The following CFAP92 variants were observed in gnomAD, a reference collection of about 807,000 sequenced individuals.
CFAP92 encodes cilia and flagella associated protein 92 (putative), also known as uncharacterized protein CFAP92.
In CFAP92, 86 loss-of-function variants were observed where a neutral mutation model predicts 106.3. The observed-to-expected ratio is 0.81, with a 90% CI of 0.68 to 0.97. The LOEUF is 0.97. Ranked by LOEUF, CFAP92 falls within the 50% of genes least tolerant of loss-of-function variation. The pLI is 0.00. For synonymous variants in CFAP92, 477 were observed against 506.4 expected, an observed-to-expected ratio of 0.94 and a Z score of 0.78; for missense variants, 1,204 against 1,283.8, an observed-to-expected ratio of 0.94 and a Z score of 0.95.
At chr3:129,025,769 C>G in the CFAP92 span, among the ~76,000 whole-genome samples, 1 of 152,258 alleles carries the variant, frequency 6.6e-6, no homozygotes, top group Non-Finnish European at 1.5e-5. Context: ...CCTGAGGAAG[C>G]ACTTGTTCCA....
At chr3:128,963,902 C>A (rs921442695) in intron 9 of CFAP92, among the ~76,000 whole-genome samples, 9 of 151,860 alleles carry the variant, frequency 5.9e-5, no homozygotes, top group South Asian at 4.2e-4. Flanking sequence ...CCACCCAGGA[C>A]TGGCAAATTA....
chr3:128,963,225 T>G (rs1942086175), intron 9 of CFAP92, among the ~76,000 whole-genome samples: 1 of 152,136 alleles, frequency 6.6e-6, no homozygotes, highest in Non-Finnish European at 1.5e-5. Context: ...AACAACTCCT[T>G]TCCTTCCTAG....
chr3:128,996,049 A>G (rs907924700), upstream of CFAP92, among the ~76,000 whole-genome samples: 7 of 152,202 alleles, frequency 4.6e-5, no homozygotes, highest in African/African-American at 1.7e-4. Context: ...TATAAATTCC[A>G]TCTACCTCTG....
At chr3:129,026,709 A>G in the CFAP92 span, among the ~76,000 whole-genome samples, 8 of 152,240 alleles carry the variant, frequency 5.3e-5, no homozygotes, top group Non-Finnish European at 8.8e-5. Flanking sequence ...TTTCTTCTCC[A>G]GGCTGTAGTC....
At chr3:128,997,894 A>T (rs1238053477), upstream of CFAP92, among the ~76,000 whole-genome samples, 1 of 152,226 alleles carries the variant, frequency 6.6e-6, no homozygotes, top group African/African-American at 2.4e-5. Flanking sequence ...TATCTTCCAC[A>T]GGGGCTGCAT....
intron 8 of CFAP92, 91 bp downstream of exon 8, chr3:128,971,196 G>A (rs572054989): frequency 1.1e-5 from 18 of 1,589,584 alleles, no homozygotes; most frequent in South Asian, 6.8e-5. Context: ...GAGGTGGCAC[G>A]CAGCAGGGTT....
chr3:128,913,174 A>G, intron 15 of CFAP92: 2 of 402,234 alleles, frequency 5.0e-6, no homozygotes, highest in Non-Finnish European at 1.0e-5. Flanking sequence ...TGACAGCAGG[A>G]CCCTGAGAAC....
intron 12 of CFAP92, among the ~76,000 whole-genome samples, chr3:128,924,670 C>T (rs1937539930): frequency 6.6e-6 from 1 of 151,942 alleles, no homozygotes; most frequent in Non-Finnish European, 1.5e-5. Context: ...TAGTCCCGAA[C>T]TCCCAACCTC....
intron 12 of CFAP92, among the ~76,000 whole-genome samples, chr3:128,926,081 A>G (rs1276599568): frequency 2.0e-5 from 3 of 152,286 alleles, no homozygotes; most frequent in Non-Finnish European, 4.4e-5. Flanking sequence ...AACACTGTCA[A>G]TTAGAAAAAT....
chr3:129,012,937 T>C, the CFAP92 span, among the ~76,000 whole-genome samples: 1 of 152,130 alleles, frequency 6.6e-6, no homozygotes, highest in African/African-American at 2.4e-5. Context: ...GGCGCATGGA[T>C]GGTTTTCTTT....
Position 128,993,190 on chromosome 3 carries a change from C to T in CFAP92, c.115G>A (p.Ala39Thr), listed in dbSNP as rs911280650. Residue 39 changes from alanine (A) to threonine (T), a missense_variant, in exon 2 of 16, where the codon GCC becomes ACC. By Grantham distance (58) the Ala-to-Thr change is moderately conservative. Coordinates refer to ENST00000645291, the MANE Select transcript of CFAP92 (RefSeq NM_001394090.1). ...SECDVEEHLKAKARAQESDSD... is the reference protein window; with the variant it reads ...SECDVEEHLKTKARAQESDSD... ...TCAGACTCCTGGGCCCTGGCCTTGG[C>T]CTTCAGGTGTTCCTCCACGTCACAC... The T allele has an allele frequency of 6.2e-6, 10 of 1,614,066 alleles. No homozygotes were observed. The highest frequency in any genetic ancestry group is 8.5e-6 in the Non-Finnish European group (10 of 1,179,898).
the CFAP92 span, among the ~76,000 whole-genome samples, chr3:129,009,408 A>G: frequency 6.6e-6 from 1 of 152,178 alleles, no homozygotes; most frequent in Admixed American, 6.5e-5. Flanking sequence ...TTGGGGTGCC[A>G]GGCTAATATC....
intron 3 of CFAP92, 147 bp downstream of exon 3, chr3:128,988,581 T>C (rs753023690): frequency 2.6e-5 from 19 of 729,488 alleles, no homozygotes; most frequent in Non-Finnish European, 4.2e-5. Context: ...ATCAGGCCAG[T>C]GCAGATTCCC....
In CFAP92 at chr3:128,987,873, G is replaced by A. The variant is rs76732520; in HGVS notation, c.454-44C>T. 1,302 of 1,524,148 alleles carry A rather than the reference G, an allele frequency of 8.5e-4. 11 individuals are homozygous for A. The African/African-American group carries it at 0.015, about 18-fold the overall frequency. 94.4% of individuals were successfully genotyped at this position (1,524,148 alleles called of 1,614,324 possible). On this transcript the variant is annotated intron_variant, in intron 3 of 15. Transcript: ENST00000645291. ...AGAGATGTCAACTGGGGAAAGATGT[G>A]CAAAGGCCGTGGCGAACAGAGCAAG...
At chr3:128,983,246 C>T (rs189153910) in intron 4 of CFAP92, among the ~76,000 whole-genome samples, 1 of 152,332 alleles carries the variant, frequency 6.6e-6, no homozygotes, top group Non-Finnish European at 1.5e-5. Context: ...AATAAGCACA[C>T]ATGTCTGGGA....
intron 6 of CFAP92, 66 bp from the exon 7 acceptor site, chr3:128,975,969 T>G (rs546101206): frequency 6.7e-7 from 1 of 1,498,732 alleles, no homozygotes; most frequent in African/African-American, 1.4e-5. Context: ...TCTGAGAATC[T>G]ATTTACTGAT....
rs777074633 is a variant in CFAP92 at position 128,978,140 on chromosome 3, C to T, written c.713G>A (p.Gly238Asp). ...TCTGACAATGTTGGTATTCTCAATG[C>T]CCTGTTCAGATAATTTTCTCTGATT... The part of the protein sequence containing the change: ...VLNQRKLSEQ[G>D]IENTNIVREE... Residue 238 changes from glycine (G) to aspartate (D), a missense_variant, in exon 5 of 16, where the codon GGC becomes GAC. Gly to Asp is a moderately conservative substitution (Grantham distance 94). Coordinates refer to ENST00000645291, the MANE Select transcript of CFAP92 (RefSeq NM_001394090.1). The T allele has an allele frequency of 6.2e-7, 1 of 1,613,878 alleles. No homozygotes were observed. The highest frequency in any genetic ancestry group is 8.5e-7 in the Non-Finnish European group (1 of 1,179,832).
At chr3:128,991,035 T>C (rs1944179874) in intron 2 of CFAP92, among the ~76,000 whole-genome samples, 1 of 152,196 alleles carries the variant, frequency 6.6e-6, no homozygotes, top group Non-Finnish European at 1.5e-5. Flanking sequence ...ATTGGCATGA[T>C]AAAAAAATAC....
upstream of CFAP92, among the ~76,000 whole-genome samples, chr3:128,995,578 C>T (rs1484201222): frequency 2.6e-5 from 4 of 152,206 alleles, no homozygotes; most frequent in Non-Finnish European, 4.4e-5. Context: ...CTTGGACAGA[C>T]ATCAGGCCTC....
Sources: allele counts gnomAD v4.1 joint callset (sites outside exome capture counted in the v4.1 genomes callset), GRCh38; gene constraint gnomAD v4.1.1; transcripts MANE v1.5; gene names NCBI Gene and HGNC (gene_info 2026-07-23, HGNC 2026-07-21).